RPS19: variants seen among roughly 807,000 people sequenced by gnomAD.
RPS19 encodes the protein small ribosomal subunit protein eS19.
A neutral mutation model predicts 20.3 loss-of-function variants in RPS19; 1 was observed. The ratio of observed to expected loss-of-function variants is 0.05; its 90% CI spans 0.02 to 0.23. The LOEUF (loss-of-function observed/expected upper bound fraction) is 0.23, where lower values mean the gene tolerates loss of function less well. RPS19 is among the 10% of genes least tolerant of loss of function. The pLI is 1.00. For missense variants in RPS19, 111 were observed against 192.7 expected (o/e 0.58, Z 2.51); for synonymous variants, 87 against 74.8 (o/e 1.16, Z -0.84).
chr19:41,868,395 A>G (rs2123282104), intron 3 of RPS19, among the ~76,000 whole-genome samples: 1 of 152,314 alleles, frequency 6.6e-6, no homozygotes, highest in Non-Finnish European at 1.5e-5. Context: ...AGAAGGGTGG[A>G]GAGATCGAAA....
At chr19:41,868,056 GA>G (rs1555841072) in intron 3 of RPS19, among the ~76,000 whole-genome samples, 1 of 152,108 alleles carries the variant, frequency 6.6e-6, no homozygotes, top group African/African-American at 2.4e-5. Context: ...AGTTATGGAA[GA>G]ACCCCCAATT....
At chr19:41,866,887 G>T (rs1271649623) in intron 3 of RPS19, among the ~76,000 whole-genome samples, 3 of 151,740 alleles carry the variant, frequency 2.0e-5, no homozygotes, top group East Asian at 3.9e-4. Flanking sequence ...CGTGGTGGCG[G>T]GCCCCTGTAG....
rs782689037 is a variant in RPS19 at position 41,860,804 on chromosome 19, C to T, written c.30C>T (p.Asn10=). 3 of 1,614,000 alleles carry T rather than the reference C, an allele frequency of 1.9e-6. No homozygotes were observed. Among genetic ancestry groups the T allele is most frequent in the South Asian group, 2.2e-5 (2 of 91,084 alleles). The change falls in exon 2 of 6, where the codon AAC becomes AAT. Residue 10 remains asparagine (N), a synonymous_variant. Coordinates refer to ENST00000598742, the MANE Select transcript of RPS19 (RefSeq NM_001022.4). ...CTGGAGTTACTGTAAAAGACGTGAA[C>T]CAGCAGGAGTTCGTCAGAGCTCTGG... MPGVTVKDV[N]QQEFVRALAA...
chr19:41,860,997 C>G (rs1555839123), intron 2 of RPS19, 115 bp from the exon 3 acceptor site: 1 of 1,117,194 alleles, frequency 9.0e-7, no homozygotes, highest in Admixed American at 1.8e-5. Context: ...GTTCCGGTTC[C>G]AGCCTCTCTT....
rs782801643 is a variant in RPS19, at chr19:41,860,768, C to T, written c.1-7C>T. 87 of 1,611,262 alleles carry T rather than the reference C, an allele frequency of 5.4e-5. No individual in the cohort carries two copies. Among genetic ancestry groups the T allele is most frequent in the Non-Finnish European group, 6.1e-5 (72 of 1,177,486 alleles). Reference sequence around the variant, plus strand: ...CCTGTGTTCACATGCTTGACTTTCTCCCTCAGATGCCTGGAGTTACTGTAA... The same window carrying T: ...CCTGTGTTCACATGCTTGACTTTCTTCCTCAGATGCCTGGAGTTACTGTAA... On this transcript the variant is annotated splice_region_variant and splice_polypyrimidine_tract_variant and intron_variant, in intron 1 of 5. Transcript: ENST00000598742.
intron 1 of RPS19, 24 bp from the exon 2 acceptor site, chr19:41,860,751 C>G: frequency 1.3e-6 from 2 of 1,591,194 alleles, no homozygotes; most frequent in African/African-American, 1.3e-5. Context: ...GGCCTGTGTT[C>G]ACATGCTTGA....
At chr19:41,865,699 A>C (rs1280943101) in intron 3 of RPS19, among the ~76,000 whole-genome samples, 2 of 152,248 alleles carry the variant, frequency 1.3e-5, no homozygotes, top group East Asian at 3.9e-4. Context: ...CTGTAATCCC[A>C]GCACTTTCGG....
intron 3 of RPS19, chr19:41,865,048 A>G (rs1450121000): frequency 1.3e-5 from 2 of 152,246 alleles, no homozygotes; most frequent in Admixed American, 6.5e-5. Context: ...TATCTGACCA[A>G]GGTTCTCCAT....
chr19:41,868,746 A>G (rs975098836), intron 3 of RPS19, among the ~76,000 whole-genome samples: 1 of 152,118 alleles, frequency 6.6e-6, no homozygotes, highest in African/African-American at 2.4e-5. Context: ...CCACCCCTAC[A>G]TAACCTCAGG....
At chr19:41,861,394 T>C (rs921265520) in intron 3 of RPS19, 182 bp downstream of exon 3, 23 of 622,880 alleles carry the variant, frequency 3.7e-5, no homozygotes, top group Non-Finnish European at 5.8e-5. Context: ...TTTTATGACA[T>C]TCTAAGAGCT....
At chr19:41,867,177 C>T (rs1292172906) in intron 3 of RPS19, among the ~76,000 whole-genome samples, 4 of 151,440 alleles carry the variant, frequency 2.6e-5, no homozygotes, top group South Asian at 2.1e-4. Flanking sequence ...GTGGCTTGCA[C>T]CTGTAGTCCC....
In RPS19 at chr19:41,869,379, C is replaced by T. The variant is rs145844627; in HGVS notation, c.356+165C>T. ...AAGCAAACAGCACGGGGCCTCACCC[C>T]GACCTCTCTGGCTGACTAGCCCAGG... On this transcript the variant is annotated intron_variant, in intron 4 of 5. Coordinates refer to ENST00000598742, the MANE Select transcript of RPS19 (RefSeq NM_001022.4). Among the ~76,000 whole-genome samples, 96 of 152,250 alleles carry T rather than the reference C, an allele frequency of 6.3e-4. 1 individual carries two copies. Among genetic ancestry groups the T allele is most frequent in the African/African-American group, 1.9e-3 (78 of 41,530 alleles).
chr19:41,866,620 C>T (rs1464733857), intron 3 of RPS19, among the ~76,000 whole-genome samples: 1 of 152,152 alleles, frequency 6.6e-6, no homozygotes, highest in African/African-American at 2.4e-5. Flanking sequence ...GCTCTTGGCC[C>T]CCAGCAGAGC....
chr19:41,871,280 A>T, intron 5 of RPS19, 71 bp from the exon 6 acceptor site: 2 of 1,359,002 alleles, frequency 1.5e-6, no homozygotes, highest in Non-Finnish European at 2.1e-6. Context: ...GTGGGTAGTT[A>T]GGTAGCTGTT....
intron 2 of RPS19, 58 bp from the exon 3 acceptor site, chr19:41,861,054 A>T (rs2074025340): frequency 5.2e-6 from 7 of 1,342,410 alleles, no homozygotes; most frequent in African/African-American, 1.4e-5. Flanking sequence ...GGCATTTGGG[A>T]TATGGGGTAG....
rs566965512 is a variant in RPS19, at chr19:41,871,055, G to T, written c.412-296G>T. Among the ~76,000 whole-genome samples, 135 of 151,802 alleles carry T rather than the reference G, an allele frequency of 8.9e-4. 2 individuals are homozygous for T. The highest frequency in any genetic ancestry group is 3.1e-3 in the African/African-American group (129 of 41,338). On this transcript the variant is annotated intron_variant, in intron 5 of 5. Transcript: ENST00000598742. ...TTTTTATATTTTTAGTAGAGACAGGGTTTCACCATATTGGTCAGGCTGGTC... is the reference window on the plus strand; with the variant it reads ...TTTTTATATTTTTAGTAGAGACAGGTTTTCACCATATTGGTCAGGCTGGTC...
intron 3 of RPS19, among the ~76,000 whole-genome samples, chr19:41,863,138 C>T (rs1555839683): frequency 6.6e-6 from 1 of 152,224 alleles, no homozygotes; most frequent in Admixed American, 6.5e-5. Context: ...CTGCCCCACC[C>T]TCCTAAGTAG....
At chr19:41,865,112 C>G (rs1226173880) in intron 3 of RPS19, among the ~76,000 whole-genome samples, 3 of 152,078 alleles carry the variant, frequency 2.0e-5, no homozygotes, top group Admixed American at 6.6e-5. Flanking sequence ...ATTGAAGAAC[C>G]TAATAGGCCT....
chr19:41,861,428 T>C (rs1600609470), intron 3 of RPS19: 1 of 584,502 alleles, frequency 1.7e-6, no homozygotes, highest in East Asian at 2.9e-5. Context: ...ACCTGTGGCT[T>C]TGAGCCTCAG....
Sources: gnomAD v4.1 joint callset for allele counts (sites outside exome capture counted in the v4.1 genomes callset) on GRCh38, gnomAD v4.1.1 for gene constraint, MANE v1.5 for transcripts, NCBI Gene and HGNC (gene_info 2026-07-23, HGNC 2026-07-21) for gene names.